CRTC3: variants seen among roughly 807,000 people sequenced by gnomAD.
CRTC3 encodes the protein CREB regulated transcription coactivator 3.
Under a neutral mutation model 74.5 loss-of-function variants are expected in CRTC3, and 26 were observed. The observed-to-expected ratio is 0.35, with a 90% confidence interval of 0.26 to 0.48. The LOEUF (loss-of-function observed/expected upper bound fraction) is 0.48, where lower values mean the gene tolerates loss of function less well. CRTC3 is among the 20% of genes least tolerant of loss of function. The probability of loss-of-function intolerance (pLI) is 0.99; values close to 1 mark genes in which losing one functional copy is unlikely to be tolerated. For missense variants in CRTC3, 760 were observed against 787.3 expected (o/e 0.97, Z 0.41); for synonymous variants, 377 against 325.8 (o/e 1.16, Z -1.69).
Position 90,530,029 on chromosome 15 carries a change from C to CA in CRTC3, c.-42dup. 1.5e-6 allele frequency: 2 copies of CA among 1,362,686 alleles called. No homozygotes were observed. Among genetic ancestry groups the CA allele is most frequent in the Non-Finnish European group, 1.9e-6 (2 of 1,040,470 alleles). 84.4% of individuals were successfully genotyped at this position (1,362,686 alleles called of 1,614,324 possible). A position where few individuals can be genotyped will look rare whatever the true frequency, so the allele number is the denominator to read the frequency against. ...GACGGGTGGGCCGAGGTACAGGCCC[C>CA]ACGGCCGCCGTCTCCCGCTTCTGCC... On this transcript the variant is annotated 5_prime_UTR_variant, in exon 1 of 15. Transcript: ENST00000268184. This position sits in a 1 kb window ranked among gnomAD's most constrained non-coding sequence, Gnocchi z 6.2.
intron 2 of CRTC3, among the ~76,000 whole-genome samples, chr15:90,556,280 A>G (rs1567164674): frequency 6.6e-6 from 1 of 152,194 alleles, no homozygotes. Flanking sequence ...TGAGTCATCC[A>G]TATTTCTGAT....
At chr15:90,546,615 T>C (rs984145986) in intron 2 of CRTC3, among the ~76,000 whole-genome samples, 1 of 152,118 alleles carries the variant, frequency 6.6e-6, no homozygotes, top group Non-Finnish European at 1.5e-5. Context: ...TAAAAACACC[T>C]GCTAGGATTT....
intron 13 of CRTC3, among the ~76,000 whole-genome samples, chr15:90,640,412 GC>G (rs997600781): frequency 1.7e-4 from 26 of 152,158 alleles, no homozygotes; most frequent in African/African-American, 5.8e-4. Context: ...GAGGCCAGGT[GC>G]AGTGGCTCAC....
intron 2 of CRTC3, among the ~76,000 whole-genome samples, chr15:90,591,209 C>T (rs1404095686): frequency 6.6e-6 from 1 of 152,104 alleles, no homozygotes; most frequent in East Asian, 1.9e-4. Context: ...AGTGGTCCTC[C>T]CACCTCATGC....
chr15:90,564,227 T>A (rs1465459831), intron 2 of CRTC3, among the ~76,000 whole-genome samples: 1 of 152,256 alleles, frequency 6.6e-6, no homozygotes, highest in African/African-American at 2.4e-5. Context: ...TTTGTTCTTT[T>A]GTTGAATTAC....
At chr15:90,544,030 A>G (rs1004852888) in intron 2 of CRTC3, among the ~76,000 whole-genome samples, 1 of 152,172 alleles carries the variant, frequency 6.6e-6, no homozygotes, top group Admixed American at 6.5e-5. Context: ...GGCTGCTGTA[A>G]CAAAGTACCA....
chr15:90,639,596 T>C (rs1321955246), intron 13 of CRTC3, among the ~76,000 whole-genome samples: 1 of 151,348 alleles, frequency 6.6e-6, no homozygotes, highest in East Asian at 2.0e-4. Flanking sequence ...GTTACAGGCA[T>C]GTACCCCTAC....
chr15:90,630,469 G>T (rs6496712), intron 11 of CRTC3, among the ~76,000 whole-genome samples: 104,238 of 152,068 alleles, frequency 0.69, 36,430 homozygotes, highest in South Asian at 0.78. Flanking sequence ...GGAAAAATTA[G>T]CTGGGTGTGG....
rs149872296 is a variant in CRTC3 at position 90,638,307 on chromosome 15, G to A, written c.1267-139G>A. The A allele has an allele frequency of 1.7e-3, 1,081 of 643,636 alleles. 9 individuals carry two copies. The highest frequency in any genetic ancestry group is 0.016 in the African/African-American group (863 of 54,732). 39.9% of individuals were successfully genotyped at this position (643,636 alleles called of 1,614,324 possible). ...AGATATACTTTGAAGGATGAGAAAC[G>A]GGCTTCTCACAGCATTGCACAGAAC... is the stretch of plus-strand genomic sequence containing the variant. On this transcript the variant is annotated intron_variant, in intron 11 of 14. Coordinates refer to ENST00000268184, the MANE Select transcript of CRTC3 (RefSeq NM_022769.5).
intron 1 of CRTC3, among the ~76,000 whole-genome samples, chr15:90,537,944 G>A (rs1966746731): frequency 6.6e-6 from 1 of 152,358 alleles, no homozygotes; most frequent in South Asian, 2.1e-4. Context: ...AGGGAGAGCA[G>A]TTATGGGGGA....
intron 2 of CRTC3, among the ~76,000 whole-genome samples, chr15:90,582,992 A>G (rs2044937797): frequency 6.6e-6 from 1 of 151,872 alleles, no homozygotes; most frequent in Non-Finnish European, 1.5e-5. Context: ...TGTTTTATGC[A>G]TTGTCGTTAT....
intron 9 of CRTC3, among the ~76,000 whole-genome samples, chr15:90,624,091 T>C (rs1307466651): frequency 1.3e-5 from 2 of 152,188 alleles, no homozygotes; most frequent in Non-Finnish European, 1.5e-5. Flanking sequence ...ATGCTCCTTA[T>C]GGCTCAGTCT....
chr15:90,547,762 A>G (rs186816380), intron 2 of CRTC3, among the ~76,000 whole-genome samples: 26 of 152,216 alleles, frequency 1.7e-4, no homozygotes, highest in African/African-American at 4.6e-4. Flanking sequence ...GAGGGATAGC[A>G]TGTTCCAGCC....
At chr15:90,544,384 T>C (rs1179201562) in intron 2 of CRTC3, among the ~76,000 whole-genome samples, 1 of 152,242 alleles carries the variant, frequency 6.6e-6, no homozygotes, top group Non-Finnish European at 1.5e-5. Flanking sequence ...GATTCTGTTT[T>C]CAAATAAAGT....
At chr15:90,597,803 C>T (rs1254708524) in intron 3 of CRTC3, 2 of 152,204 alleles carry the variant, frequency 1.3e-5, no homozygotes. Context: ...CACATGCAAC[C>T]TGTTTGCCTC....
chr15:90,530,223 C>T lies in CRTC3; in HGVS notation c.132+20C>T, dbSNP rs1290973393. ...TCGCGGGTGAGGGCCCGGGCCGGCG[C>T]GGGCGGGGGCGGCCACGGCCGCGGG... is the stretch of plus-strand genomic sequence containing the variant. On this transcript the variant is annotated intron_variant, in intron 1 of 14. Coordinates refer to ENST00000268184, the MANE Select transcript of CRTC3 (RefSeq NM_022769.5). This position sits in a 1 kb window ranked among gnomAD's most constrained non-coding sequence, Gnocchi z 6.2. 2.4e-5 allele frequency: 27 copies of T among 1,104,078 alleles called. No individual in the cohort carries two copies. Among genetic ancestry groups the T allele is most frequent in the Non-Finnish European group, 2.8e-5 (25 of 903,762 alleles). 68.4% of individuals were successfully genotyped at this position (1,104,078 alleles called of 1,614,324 possible).
At chr15:90,531,539 G>GA (rs1482320589) in intron 1 of CRTC3, among the ~76,000 whole-genome samples, 1 of 152,082 alleles carries the variant, frequency 6.6e-6, no homozygotes, top group Non-Finnish European at 1.5e-5. Context: ...TTCACATTGA[G>GA]AAAAAATATA....
chr15:90,640,194 G>A (rs989083939), intron 13 of CRTC3, among the ~76,000 whole-genome samples: 13 of 152,236 alleles, frequency 8.5e-5, no homozygotes, highest in African/African-American at 1.4e-4. Flanking sequence ...GGGAATCACC[G>A]TCTCCCTGAA....
chr15:90,583,652 C>G (rs1171703329), intron 2 of CRTC3, among the ~76,000 whole-genome samples: 3 of 152,066 alleles, frequency 2.0e-5, no homozygotes, highest in Non-Finnish European at 2.9e-5. Flanking sequence ...GGGGAAAAGC[C>G]TTCCAAAACC....
Sources: gnomAD v4.1 joint callset for allele counts (sites outside exome capture counted in the v4.1 genomes callset) on GRCh38, gnomAD v4.1.1 for gene constraint, Gnocchi (gnomAD v3.1) non-coding constraint, MANE v1.5 for transcripts, NCBI Gene and HGNC (gene_info 2026-07-23, HGNC 2026-07-21) for gene names.